Variants in CNTFR observed in about 807,000 individuals in gnomAD.
The protein encoded by CNTFR is ciliary neurotrophic factor receptor, also known as ciliary neurotrophic factor receptor subunit alpha.
CNTFR carries 12 observed loss-of-function variants against 40.4 expected under a neutral mutation model. The ratio of observed to expected loss-of-function variants is 0.30; its 90% confidence interval spans 0.19 to 0.48. The LOEUF is 0.48. Ranked by LOEUF, CNTFR falls within the 20% of genes least tolerant of loss-of-function variation. CNTFR has a pLI of 0.99. For missense variants in CNTFR, 414 were observed against 506.8 expected (o/e 0.82, Z 1.76); for synonymous variants, 202 against 209.6 (o/e 0.96, Z 0.31).
intron 4 of CNTFR, 106 bp downstream of exon 4, chr9:34,564,493 T>C: frequency 9.4e-7 from 1 of 1,058,492 alleles, no homozygotes; most frequent in East Asian, 2.6e-5. Flanking sequence ...AGGCTGCAGC[T>C]CTCCCCTCTC....
intron 4 of CNTFR, among the ~76,000 whole-genome samples, chr9:34,559,240 C>T (rs1348284559): frequency 1.3e-5 from 2 of 152,156 alleles, no homozygotes; most frequent in African/African-American, 2.4e-5. Flanking sequence ...ACAGTGTGCA[C>T]GTGACTGTGA....
At chr9:34,554,746 G>C (rs1439038104) in intron 7 of CNTFR, among the ~76,000 whole-genome samples, 1 of 152,078 alleles carries the variant, frequency 6.6e-6, no homozygotes, top group Non-Finnish European at 1.5e-5. Flanking sequence ...GTTTTTCTTT[G>C]TTCTGCCCTT....
At chr9:34,588,687 T>C (rs1309891015) in intron 1 of CNTFR, among the ~76,000 whole-genome samples, 1 of 152,050 alleles carries the variant, frequency 6.6e-6, no homozygotes, top group East Asian at 1.9e-4. Context: ...CGCCTGAAGC[T>C]ACTGGAGGGG....
chr9:34,575,008 G>A (rs1826884350), intron 2 of CNTFR, among the ~76,000 whole-genome samples: 1 of 152,220 alleles, frequency 6.6e-6, no homozygotes, highest in Non-Finnish European at 1.5e-5. Context: ...GCATGGGCTT[G>A]TATATGCACA....
chr9:34,554,036 T>C (rs1825739482), intron 7 of CNTFR, among the ~76,000 whole-genome samples: 1 of 152,034 alleles, frequency 6.6e-6, no homozygotes, highest in Non-Finnish European at 1.5e-5. Context: ...CCCCTCCAGT[T>C]CCTGCTCAGC....
intron 4 of CNTFR, among the ~76,000 whole-genome samples, chr9:34,562,475 A>G (rs1826113703): frequency 6.6e-6 from 1 of 152,182 alleles, no homozygotes; most frequent in Admixed American, 6.5e-5. Flanking sequence ...CCACCAAAAT[A>G]CATTTTCACA....
At position 34,570,863 on chromosome 9, in the gene CNTFR, T is replaced by A. The variant is rs145506047; in HGVS notation, c.1-1882A>T. Among the ~76,000 whole-genome samples the A allele has an allele frequency of 5.9e-3, 897 of 152,288 alleles. 2 individuals are homozygous for A. Among genetic ancestry groups the A allele is most frequent in the Middle Eastern group, 0.037 (11 of 294 alleles). On this transcript the variant is annotated intron_variant, in intron 2 of 9. Transcript: ENST00000378980. The stretch of plus-strand genomic sequence containing the variant: ...AGAGGCTGGAGAGCAATGAACTTCC[T>A]GGGGCTTCCTGTGGGAGAGGGCTCC...
At position 34,568,917 on chromosome 9, in the gene CNTFR, G is replaced by T. The variant is rs1304392680; in HGVS notation, c.65C>A (p.Ala22Asp). The T allele has an allele frequency of 6.3e-7, 1 of 1,597,186 alleles. No homozygotes were observed. The highest frequency in any genetic ancestry group is 1.7e-5 in the Admixed American group (1 of 58,004). Residue 22 changes from alanine (A) to aspartate (D), a missense_variant, in exon 3 of 10, where the codon GCC becomes GAC. By Grantham distance (126) the Ala-to-Asp change is moderately radical. Transcript: ENST00000378980. ...VLAAAAAVVY[A>D]QRHSPQEAPH... ...CTCACCCTGTGGACTGTGTCTCTGG[G>T]CGTAGACAACTGCGGCGGCGGCGGC...
upstream of CNTFR, among the ~76,000 whole-genome samples, chr9:34,590,375 G>T (rs1827727325): frequency 6.6e-6 from 1 of 152,148 alleles, no homozygotes; most frequent in Non-Finnish European, 1.5e-5. Flanking sequence ...TCCCTCCGGC[G>T]TCGCCGTGAG....
At chr9:34,570,543 C>T (rs963961912) in intron 2 of CNTFR, among the ~76,000 whole-genome samples, 4 of 152,096 alleles carry the variant, frequency 2.6e-5, no homozygotes, top group African/African-American at 7.2e-5. Flanking sequence ...CGCAAACAGG[C>T]GTACACCCAG....
Position 34,552,402 on chromosome 9 carries a change from T to C in CNTFR, c.950-73A>G. The C allele has an allele frequency of 3.5e-6, 5 of 1,419,680 alleles. No homozygotes were observed. Among genetic ancestry groups the C allele is most frequent in the Middle Eastern group, 2.5e-4 (1 of 4,028 alleles). The allele number at this position is 1,419,680 out of a possible 1,614,324, so 87.9% of individuals were successfully genotyped here. On this transcript the variant is annotated intron_variant, in intron 8 of 9. Transcript: ENST00000378980. This position sits in a 1 kb window ranked among gnomAD's most constrained non-coding sequence, Gnocchi z 5.1. ...TCCAGATCTGGGGGCTCATGAGACA[T>C]ACCATTCTGCTTCCTGCATCAGACT...
At chr9:34,586,250 A>C (rs1306750058) in intron 1 of CNTFR, among the ~76,000 whole-genome samples, 1 of 152,144 alleles carries the variant, frequency 6.6e-6, no homozygotes, top group Non-Finnish European at 1.5e-5. Context: ...GGGGAAGCCT[A>C]GGCATGCCCT....
upstream of CNTFR, chr9:34,589,792 T>G (rs1587188301): frequency 8.4e-6 from 1 of 119,648 alleles, no homozygotes; most frequent in Admixed American, 8.3e-5. This position sits in a 1 kb window ranked among gnomAD's most constrained non-coding sequence, Gnocchi z 4.4. Context: ...GCTCCCTCCC[T>G]CCTTCTCTCG....
At chr9:34,588,740 G>A (rs1827649044) in intron 1 of CNTFR, among the ~76,000 whole-genome samples, 1 of 152,222 alleles carries the variant, frequency 6.6e-6, no homozygotes, top group Admixed American at 6.5e-5. Context: ...GCTAACGCTG[G>A]AGGAGAGGCT....
At chr9:34,569,796 C>T (rs1334640668) in intron 2 of CNTFR, 3 of 152,210 alleles carry the variant, frequency 2.0e-5, no homozygotes, top group Non-Finnish European at 4.4e-5. Flanking sequence ...AGCCATGTGC[C>T]CCTAGGAGCC....
rs142114740 is a variant in CNTFR at position 34,587,160 on chromosome 9, G to C, written c.-112+2395C>G. On this transcript the variant is annotated intron_variant, in intron 1 of 9. Transcript: ENST00000378980. ...GGGTCTGAATGTGAGCTCCAGGACT[G>C]AAGTGAGAGAGCCTGTGAGTCCCAG... Among the ~76,000 whole-genome samples the C allele has an allele frequency of 2.3e-3, 354 of 152,222 alleles. 2 individuals carry two copies. The highest frequency in any genetic ancestry group is 3.2e-3 in the Non-Finnish European group (219 of 68,004).
intron 2 of CNTFR, among the ~76,000 whole-genome samples, chr9:34,573,610 G>A (rs549447226): frequency 6.6e-5 from 10 of 152,300 alleles, no homozygotes; most frequent in Non-Finnish European, 8.8e-5. Flanking sequence ...AAGGGCATCC[G>A]GCCCAGCACA....
chr9:34,552,066 C>T lies in CNTFR; in HGVS notation c.*5G>A, dbSNP rs375370235. 4.1e-5 allele frequency: 62 copies of T among 1,504,050 alleles called. No homozygotes were observed. Among genetic ancestry groups the T allele is most frequent in the South Asian group, 5.8e-5 (5 of 86,782 alleles). 93.2% of individuals were successfully genotyped at this position (1,504,050 alleles called of 1,614,324 possible). ...TGCTCTGCATGTCCTCATGGGGTGC[C>T]GGGCTCTGTAGAGACAGGCAGGGGC... is the stretch of plus-strand genomic sequence containing the variant. On this transcript the variant is annotated 3_prime_UTR_variant, in exon 10 of 10. Transcript: ENST00000378980. The surrounding 1 kb of genome is among the most constrained non-coding windows in gnomAD (Gnocchi z 5.1).
intron 7 of CNTFR, among the ~76,000 whole-genome samples, chr9:34,553,735 C>T (rs1325407595): frequency 3.3e-5 from 5 of 152,256 alleles, no homozygotes; most frequent in Non-Finnish European, 5.9e-5. Context: ...TCCCCCAACC[C>T]TCCAGGCCAG....
Sources: gnomAD v4.1 joint callset for allele counts (sites outside exome capture counted in the v4.1 genomes callset) on GRCh38, gnomAD v4.1.1 for gene constraint, Gnocchi (gnomAD v3.1) non-coding constraint, MANE v1.5 for transcripts, NCBI Gene and HGNC (gene_info 2026-07-23, HGNC 2026-07-21) for gene names.